The following ARIH1 variants were observed in gnomAD, a reference collection of about 807,000 sequenced individuals.
ARIH1 encodes ariadne RBR E3 ubiquitin protein ligase 1.
ARIH1 carries 8 observed loss-of-function variants against 85.0 expected under a neutral mutation model. That is an observed-to-expected ratio of 0.09 (90% CI 0.06 to 0.17). ARIH1 has a LOEUF of 0.17. ARIH1 is among the 10% of genes least tolerant of loss of function. The pLI is 1.00. For missense variants in ARIH1, 311 were observed against 718.1 expected (o/e 0.43, Z 6.48); for synonymous variants, 238 against 253.6 (o/e 0.94, Z 0.59).
At chr15:72,518,684 A>G (rs2063985712) in intron 2 of ARIH1, among the ~76,000 whole-genome samples, 1 of 151,720 alleles carries the variant, frequency 6.6e-6, no homozygotes. Context: ...GCTACTCAGG[A>G]GGCTGAGGCA....
intron 2 of ARIH1, among the ~76,000 whole-genome samples, chr15:72,538,937 C>G (rs772306337): frequency 2.6e-4 from 39 of 152,120 alleles, no homozygotes; most frequent in Admixed American, 6.6e-5. Context: ...TGGGTGTTAA[C>G]CTGCTTGTGC....
In ARIH1 at chr15:72,583,193, T is replaced by C. The variant is rs79559834; in HGVS notation, c.1590-15T>C. ...GGCTGACAACAAGTTTTTTTTTTTT[T>C]CTCTTTGATTACAGATACTGTGAGA... On this transcript the variant is annotated splice_polypyrimidine_tract_variant and intron_variant, in intron 13 of 13. Transcript: ENST00000379887. The C allele has an allele frequency of 2.5e-6, 4 of 1,581,088 alleles. No individual in the cohort carries two copies. Among genetic ancestry groups the C allele is most frequent in the Non-Finnish European group, 2.6e-6 (3 of 1,165,882 alleles).
chr15:72,486,400 G>C (rs915686322), intron 1 of ARIH1, among the ~76,000 whole-genome samples: 8 of 152,078 alleles, frequency 5.3e-5, no homozygotes, highest in Non-Finnish European at 1.5e-5. Flanking sequence ...GCCTCGGCTG[G>C]TCACTTCACT....
chr15:72,532,461 A>G (rs1456997047), intron 2 of ARIH1, among the ~76,000 whole-genome samples: 1 of 152,186 alleles, frequency 6.6e-6, no homozygotes, highest in African/African-American at 2.4e-5. Flanking sequence ...GAAAAGTTGA[A>G]ATTCAAATGG....
At chr15:72,546,361 A>G (rs532436056) in intron 3 of ARIH1, among the ~76,000 whole-genome samples, 10 of 152,242 alleles carry the variant, frequency 6.6e-5, no homozygotes, top group Non-Finnish European at 1.5e-4. Flanking sequence ...GAGAAATAGA[A>G]TGATCAGTGA....
rs1184754178 is a variant in ARIH1, at chr15:72,588,451, C to T, written c.*5159C>T. 1.3e-5 allele frequency: 2 copies of T among 152,202 alleles called. No individual in the cohort carries two copies. Among genetic ancestry groups the T allele is most frequent in the Non-Finnish European group, 2.9e-5 (2 of 68,044 alleles). The allele number at this position is 152,202 out of a possible 1,614,324, so 9.4% of individuals were successfully genotyped here. A position where few individuals can be genotyped will look rare whatever the true frequency, so the allele number is the denominator to read the frequency against. The stretch of plus-strand genomic sequence containing the variant: ...TGATTTAATTGCTTTGGGTAGGCAT[C>T]AGTAATTTTTGTAAAGCCCTTTACG... On this transcript the variant is annotated 3_prime_UTR_variant, in exon 14 of 14. Coordinates refer to ENST00000379887, the MANE Select transcript of ARIH1 (RefSeq NM_005744.5).
chr15:72,483,205 C>T (rs759972354), intron 1 of ARIH1, among the ~76,000 whole-genome samples: 6 of 152,056 alleles, frequency 3.9e-5, no homozygotes, highest in Non-Finnish European at 8.8e-5. Flanking sequence ...CTTCCCCTTC[C>T]GAGCTCACTC....
intron 5 of ARIH1, among the ~76,000 whole-genome samples, chr15:72,559,303 G>C (rs886942183): frequency 2.0e-5 from 3 of 152,068 alleles, no homozygotes; most frequent in Non-Finnish European, 4.4e-5. Context: ...ATCTCTCTCT[G>C]TTGCCCAGAG....
At chr15:72,536,660 C>T (rs1369507865) in intron 2 of ARIH1, among the ~76,000 whole-genome samples, 4 of 152,040 alleles carry the variant, frequency 2.6e-5, no homozygotes, top group South Asian at 2.1e-4. Flanking sequence ...TTTGCGAATT[C>T]GAGCCTAGAA....
intron 3 of ARIH1, among the ~76,000 whole-genome samples, chr15:72,554,197 A>G (rs1211717392): frequency 6.6e-6 from 1 of 152,134 alleles, no homozygotes; most frequent in Non-Finnish European, 1.5e-5. Context: ...AAGTTTTTGT[A>G]TGGATGTATG....
intron 2 of ARIH1, among the ~76,000 whole-genome samples, chr15:72,541,702 G>A (rs2064108140): frequency 6.6e-6 from 1 of 152,176 alleles, no homozygotes; most frequent in African/African-American, 2.4e-5. Context: ...TGTCTAAATA[G>A]GAAATTTGGG....
intron 7 of ARIH1, among the ~76,000 whole-genome samples, chr15:72,565,649 C>T (rs1473956347): frequency 6.6e-6 from 1 of 152,120 alleles, no homozygotes; most frequent in African/African-American, 2.4e-5. Context: ...TTTAGCGTGA[C>T]ACATTTCAAA....
rs2064356797 is a variant in ARIH1, at chr15:72,594,808, CTTCTTT to C, written c.*11519_*11524del. The stretch of plus-strand genomic sequence containing the variant: ...TTCTTTTTCTGATTTTATGCCTTTT[CTTCTTT>C]TTTTTTTTTTTTTTTTTTTTTTTTG... On this transcript the variant is annotated 3_prime_UTR_variant, in exon 14 of 14. Transcript: ENST00000379887. The C allele has an allele frequency of 2.4e-5, 1 of 41,014 alleles. No individual in the cohort carries two copies. The highest frequency in any genetic ancestry group is 4.5e-5 in the Non-Finnish European group (1 of 22,276). The allele number at this position is 41,014 out of a possible 1,614,324, so 2.5% of individuals were successfully genotyped here.
Position 72,507,007 on chromosome 15 carries a change from TG to T in ARIH1, c.376-11059del, listed in dbSNP as rs1358786568. On this transcript the variant is annotated intron_variant, in intron 1 of 13. Coordinates refer to ENST00000379887, the MANE Select transcript of ARIH1 (RefSeq NM_005744.5). ...ATGTATGTATGTATGTATGTATGTA[TG>T]TATGTATGTATGTATTTATTTATTT... Among the ~76,000 whole-genome samples, 250 of 151,524 alleles carry T rather than the reference TG, an allele frequency of 1.6e-3. 1 individual carries two copies. The highest frequency in any genetic ancestry group is 2.1e-3 in the Admixed American group (32 of 15,190).
At chr15:72,548,269 A>G (rs781619967) in intron 3 of ARIH1, among the ~76,000 whole-genome samples, 1 of 152,212 alleles carries the variant, frequency 6.6e-6, no homozygotes, top group Non-Finnish European at 1.5e-5. Flanking sequence ...AAGGCATGGT[A>G]GTTAGGCTAA....
chr15:72,496,400 T>C (rs992654455), intron 1 of ARIH1, among the ~76,000 whole-genome samples: 1 of 152,200 alleles, frequency 6.6e-6, no homozygotes, highest in Non-Finnish European at 1.5e-5. Context: ...AGTGTCACAG[T>C]AGAAACTTCC....
In ARIH1 at chr15:72,536,903, T is replaced by TA. The variant is rs1194061588; in HGVS notation, c.444-7909dup. ...GTTTTATTTTATTATAATGCCTTTT[T>TA]AAAAAAAATTAGGCTAATAAGAAAA... On this transcript the variant is annotated intron_variant, in intron 2 of 13. Coordinates refer to ENST00000379887, the MANE Select transcript of ARIH1 (RefSeq NM_005744.5). 5.3e-5 allele frequency among the ~76,000 whole-genome samples: 8 copies of TA among 152,072 alleles called. No individual in the cohort carries two copies. In the East Asian group the frequency reaches 9.6e-4, roughly 18 times the overall value.
At chr15:72,574,165 T>G (rs1277091729) in intron 11 of ARIH1, among the ~76,000 whole-genome samples, 2 of 152,190 alleles carry the variant, frequency 1.3e-5, no homozygotes, top group African/African-American at 4.8e-5. Context: ...CTTTCTGAGA[T>G]CTATAGGGAG....
chr15:72,523,274 CTG>C, intron 2 of ARIH1, among the ~76,000 whole-genome samples: 1 of 152,314 alleles, frequency 6.6e-6, no homozygotes, highest in East Asian at 1.9e-4. Flanking sequence ...GATGAGTAAA[CTG>C]TGGTACATCC....
Sources: allele counts gnomAD v4.1 joint callset (sites outside exome capture counted in the v4.1 genomes callset), GRCh38; gene constraint gnomAD v4.1.1; transcripts MANE v1.5; gene names NCBI Gene and HGNC (gene_info 2026-07-23, HGNC 2026-07-21).